Variants in DGKG observed in about 807,000 individuals in gnomAD.
The protein encoded by DGKG is DAG kinase gamma.
A neutral mutation model predicts 105.3 loss-of-function variants in DGKG; 78 were observed. That is an observed-to-expected ratio of 0.74 (90% CI 0.62 to 0.89). The LOEUF (loss-of-function observed/expected upper bound fraction) is 0.89. DGKG is among the 40% of genes least tolerant of loss of function. The pLI is 0.00. For synonymous variants in DGKG, 346 were observed against 367.1 expected (o/e 0.94, Z 0.66); for missense variants, 958 against 1,020.1 (o/e 0.94, Z 0.83).
At chr3:186,161,883 G>A (rs912765053) in intron 23 of DGKG, among the ~76,000 whole-genome samples, 1 of 147,232 alleles carries the variant, frequency 6.8e-6, no homozygotes, top group African/African-American at 2.5e-5. Context: ...CTGTGTTTCT[G>A]TGTCTGTGTG....
chr3:186,175,335 G>C (rs911675073), intron 22 of DGKG, among the ~76,000 whole-genome samples: 5 of 152,178 alleles, frequency 3.3e-5, no homozygotes, highest in Admixed American at 3.3e-4. Flanking sequence ...GCACACAATG[G>C]CCATTGTTGT....
chr3:186,247,166 G>A (rs186356692), intron 19 of DGKG, among the ~76,000 whole-genome samples: 49 of 152,286 alleles, frequency 3.2e-4, no homozygotes, highest in African/African-American at 1.1e-3. Context: ...TAAGGCCAAC[G>A]ATCTTAGCTT....
intron 22 of DGKG, among the ~76,000 whole-genome samples, chr3:186,172,043 C>T (rs577288810): frequency 1.9e-4 from 29 of 152,272 alleles, no homozygotes; most frequent in Non-Finnish European, 2.9e-4. Flanking sequence ...GATGGGGTTT[C>T]ACCATGTTGG....
In DGKG at chr3:186,242,341, C is replaced by CT. The variant is rs199664647; in HGVS notation, c.1826+162dup. ...GTTAGCCTGCGCCAAGTTTCTGACA[C>CT]TTTTTTTTTTCTTGGAAATGGAAAC... On this transcript the variant is annotated intron_variant, in intron 20 of 24. Coordinates refer to ENST00000265022, the MANE Select transcript of DGKG (RefSeq NM_001346.3). Among the ~76,000 whole-genome samples, 138 of 150,712 alleles carry CT rather than the reference C, an allele frequency of 9.2e-4. No individual in the cohort carries two copies. In the Middle Eastern group the frequency reaches 0.014, roughly 15 times the overall value.
At chr3:186,237,499 A>G (rs1400060083) in intron 20 of DGKG, among the ~76,000 whole-genome samples, 2 of 152,220 alleles carry the variant, frequency 1.3e-5, no homozygotes, top group African/African-American at 4.8e-5. Context: ...GGAACTCAGC[A>G]GGCATTTTCC....
intron 1 of DGKG, among the ~76,000 whole-genome samples, chr3:186,347,323 C>T (rs1010461623): frequency 1.3e-5 from 2 of 151,648 alleles, no homozygotes; most frequent in Non-Finnish European, 2.9e-5. Flanking sequence ...TGGCACGCGC[C>T]TGCAGTCCTA....
intron 1 of DGKG, among the ~76,000 whole-genome samples, chr3:186,333,293 T>A (rs1395860179): frequency 6.6e-6 from 1 of 152,194 alleles, no homozygotes; most frequent in African/African-American, 2.4e-5. Context: ...CCTGCCTGTG[T>A]TTTGTAATCA....
chr3:186,354,226 C>T (rs62290691), intron 1 of DGKG, among the ~76,000 whole-genome samples: 5,157 of 152,180 alleles, frequency 0.034, 138 homozygotes, highest in South Asian at 0.093. Context: ...AGGGGCACGA[C>T]GGAGCTGGTG....
chr3:186,263,223 T>A (rs927887994), intron 14 of DGKG, among the ~76,000 whole-genome samples: 1 of 152,102 alleles, frequency 6.6e-6, no homozygotes, highest in Non-Finnish European at 1.5e-5. Context: ...TCAAGAGACA[T>A]CTCTATGAAG....
chr3:186,319,975 G>A (rs947773572), intron 2 of DGKG, among the ~76,000 whole-genome samples: 1 of 152,226 alleles, frequency 6.6e-6, no homozygotes, highest in South Asian at 2.1e-4. Flanking sequence ...GCAGCATGCA[G>A]CCCTTCAAAA....
At position 186,188,399 on chromosome 3, in the gene DGKG, G is replaced by A; in HGVS notation, c.1918-20C>T. The A allele has an allele frequency of 1.2e-6, 2 of 1,612,656 alleles. No homozygotes were observed. Among genetic ancestry groups the A allele is most frequent in the South Asian group, 2.2e-5 (2 of 91,018 alleles). On this transcript the variant is annotated intron_variant, in intron 21 of 24. Transcript: ENST00000265022. ...ATCACACTGGAGGACGGAGAGAAAA[G>A]GCCATCTGTTAGTGTCCTCAGTGTG...
chr3:186,257,899 C>A lies in DGKG; in HGVS notation c.1465G>T (p.Ala489Ser). 6.2e-7 allele frequency: 1 copy of A among 1,614,082 alleles called. No individual in the cohort carries two copies. Among genetic ancestry groups the A allele is most frequent in the Non-Finnish European group, 8.5e-7 (1 of 1,180,012 alleles). The change falls in exon 17 of 25, where the codon GCC becomes TCC. Residue 489 changes from alanine (A) to serine (S), a missense_variant. By Grantham distance (99) the Ala-to-Ser change is moderately conservative (BLOSUM62 1). Transcript: ENST00000265022. ...CCAACTGTCCCATCTCCACCACAGGCCAAAACACGGAAGTCTGGAGTATCA... is the reference window on the plus strand; with the variant it reads ...CCAACTGTCCCATCTCCACCACAGGACAAAACACGGAAGTCTGGAGTATCA... ...FRDTPDFRVL[A>S]CGGDGTVGWI... is the part of the protein sequence containing the mutation.
At position 186,242,585 on chromosome 3, in the gene DGKG, C is replaced by T. The variant is rs202135902; in HGVS notation, c.1762-17G>A. 1 of 1,611,150 alleles carries T rather than the reference C, an allele frequency of 6.2e-7. No individual in the cohort carries two copies. Among genetic ancestry groups the T allele is most frequent in the Admixed American group, 1.7e-5 (1 of 59,866 alleles). ...GGAAGCGTCCTGAAAGTGAAAGAGA[C>T]AAAGCAGATCCTTGGTGAGTGGTCA... On this transcript the variant is annotated splice_polypyrimidine_tract_variant and intron_variant, in intron 19 of 24. Transcript: ENST00000265022.
intron 10 of DGKG, among the ~76,000 whole-genome samples, 184 bp downstream of exon 10, chr3:186,275,363 A>G (rs1722529489): frequency 6.6e-6 from 1 of 152,230 alleles, no homozygotes; most frequent in African/African-American, 2.4e-5. Flanking sequence ...AGACCTGTCC[A>G]TTGGACTTGG....
intron 20 of DGKG, among the ~76,000 whole-genome samples, chr3:186,229,388 C>T (rs1037892695): frequency 1.3e-5 from 2 of 151,898 alleles, no homozygotes; most frequent in Non-Finnish European, 2.9e-5. Context: ...TTACAGGTGC[C>T]CACCCGCCAC....
chr3:186,169,719 G>T (rs1360489111), intron 22 of DGKG, among the ~76,000 whole-genome samples: 3 of 152,132 alleles, frequency 2.0e-5, no homozygotes, highest in Non-Finnish European at 2.9e-5. Flanking sequence ...ACTTCCACAA[G>T]TTCAAAATGA....
chr3:186,265,213 G>A (rs1721987337), intron 14 of DGKG, 34 bp downstream of exon 14: 1 of 1,609,874 alleles, frequency 6.2e-7, no homozygotes, highest in Admixed American at 1.7e-5. Flanking sequence ...GAACAACTTA[G>A]AAGGTGCAAT....
chr3:186,273,049 C>A (rs1224547885), intron 10 of DGKG, among the ~76,000 whole-genome samples: 1 of 152,142 alleles, frequency 6.6e-6, no homozygotes, highest in Non-Finnish European at 1.5e-5. Context: ...GCTAGGCAGG[C>A]CCCCGTGACA....
rs200349299 is a variant in DGKG, at chr3:186,211,813, G to A, written c.1899C>T (p.His633=). 67 of 1,613,962 alleles carry A rather than the reference G, an allele frequency of 4.2e-5. No individual in the cohort carries two copies. Among genetic ancestry groups the A allele is most frequent in the Admixed American group, 1.3e-4 (8 of 60,030 alleles). Residue 633 remains histidine, a synonymous_variant, in exon 21 of 25, where the codon CAC becomes CAT. Coordinates refer to ENST00000265022, the MANE Select transcript of DGKG (RefSeq NM_001346.3). ...ETFAATCKKL[H]DHIELECDGV... ...AACTTACCTCCAACTCAATGTGGTC[G>A]TGGAGTTTCTTGCAGGTCGCTGCAA... is the stretch of plus-strand genomic sequence containing the variant.
Sources: gnomAD v4.1 joint callset for allele counts (sites outside exome capture counted in the v4.1 genomes callset) on GRCh38, gnomAD v4.1.1 for gene constraint, MANE v1.5 for transcripts, NCBI Gene and HGNC (gene_info 2026-07-23, HGNC 2026-07-21) for gene names.